FSTL4: variants seen among roughly 807,000 people sequenced by gnomAD.
FSTL4 encodes follistatin-related protein 4.
In FSTL4, 28 loss-of-function variants were observed where a neutral mutation model predicts 78.2. The observed-to-expected ratio is 0.36, with a 90% confidence interval of 0.27 to 0.49. The LOEUF (loss-of-function observed/expected upper bound fraction) is 0.49. Among genes scored for constraint, FSTL4 ranks in the 20% least tolerant of loss-of-function variants. The pLI, the probability that FSTL4 is intolerant of heterozygous loss-of-function variation, is 0.98. For synonymous variants in FSTL4, 422 were observed against 440.5 expected (o/e 0.96, Z 0.53); for missense variants, 922 against 1,084.9 (o/e 0.85, Z 2.11).
intron 3 of FSTL4, among the ~76,000 whole-genome samples, chr5:133,520,047 G>A (rs181543670): frequency 3.9e-5 from 6 of 152,348 alleles, no homozygotes; most frequent in African/African-American, 9.6e-5. Context: ...GCAATTGCAG[G>A]TGGGTTTCCG....
chr5:133,311,881 A>G (rs1753793680), intron 6 of FSTL4, among the ~76,000 whole-genome samples: 1 of 152,148 alleles, frequency 6.6e-6, no homozygotes, highest in South Asian at 2.1e-4. Flanking sequence ...TGGGCCAAGG[A>G]TGTCCCCTCT....
At chr5:133,753,456 G>A in the FSTL4 span, among the ~76,000 whole-genome samples, 2 of 152,132 alleles carry the variant, frequency 1.3e-5, no homozygotes, top group African/African-American at 2.4e-5. Flanking sequence ...CTAATCTCAG[G>A]TGGCTCACAT....
the FSTL4 span, among the ~76,000 whole-genome samples, chr5:133,678,941 G>A: frequency 1.3e-5 from 2 of 152,272 alleles, no homozygotes; most frequent in East Asian, 3.9e-4. Flanking sequence ...GCATCATCAC[G>A]TTGTTCCACA....
At chr5:133,729,561 T>C in the FSTL4 span, among the ~76,000 whole-genome samples, 2 of 152,132 alleles carry the variant, frequency 1.3e-5, no homozygotes, top group African/African-American at 4.8e-5. Flanking sequence ...CCATCTCATC[T>C]CTTCTCAAAA....
chr5:133,745,189 G>A, the FSTL4 span, among the ~76,000 whole-genome samples: 1 of 152,252 alleles, frequency 6.6e-6, no homozygotes, highest in Non-Finnish European at 1.5e-5. Flanking sequence ...GAGGGCACTT[G>A]CTCCTCAGCA....
intron 3 of FSTL4, among the ~76,000 whole-genome samples, chr5:133,526,022 T>C (rs548191944): frequency 6.6e-6 from 1 of 152,304 alleles, no homozygotes; most frequent in East Asian, 1.9e-4. Flanking sequence ...CTCAACTGTC[T>C]ACTGAGCACC....
chr5:133,806,229 C>G, the FSTL4 span, among the ~76,000 whole-genome samples: 1 of 151,556 alleles, frequency 6.6e-6, no homozygotes, highest in Non-Finnish European at 1.5e-5. Context: ...ACAACATTAT[C>G]TGTGTTTGGT....
chr5:133,289,254 A>C (rs1306606634), intron 6 of FSTL4, among the ~76,000 whole-genome samples: 1 of 152,198 alleles, frequency 6.6e-6, no homozygotes, highest in African/African-American at 2.4e-5. Context: ...TGAAGGAATT[A>C]TATTCTTGAA....
intron 4 of FSTL4, among the ~76,000 whole-genome samples, chr5:133,372,269 G>GTATGTATGTATC (rs143392836): frequency 0.29 from 41,434 of 141,266 alleles, 6,696 homozygotes; most frequent in Admixed American, 0.4. Context: ...ATGTATGTAT[G>GTATGTATGTATC]TATCTATCTA....
intron 3 of FSTL4, among the ~76,000 whole-genome samples, chr5:133,415,967 C>T (rs1024379534): frequency 1.3e-5 from 2 of 152,058 alleles, no homozygotes; most frequent in Non-Finnish European, 1.5e-5. Flanking sequence ...AGGTCCTTAC[C>T]CCGCTTTCAG....
chr5:133,217,094 A>G, intron 13 of FSTL4, 135 bp downstream of exon 13: 1 of 662,280 alleles, frequency 1.5e-6, no homozygotes, highest in Non-Finnish European at 2.6e-6. Flanking sequence ...TTCACGAATA[A>G]TTACACATGA....
At chr5:133,446,772 C>G (rs554876685) in intron 3 of FSTL4, among the ~76,000 whole-genome samples, 27 of 152,318 alleles carry the variant, frequency 1.8e-4, no homozygotes, top group Middle Eastern at 6.8e-3. Flanking sequence ...CACCGCTGCT[C>G]CCTCTTCTGA....
At chr5:133,320,626 T>C (rs2126896622) in intron 4 of FSTL4, among the ~76,000 whole-genome samples, 1 of 152,334 alleles carries the variant, frequency 6.6e-6, no homozygotes, top group South Asian at 2.1e-4. Context: ...GAGCCCATTA[T>C]TGAAATGAGC....
chr5:133,657,256 T>C, the FSTL4 span, among the ~76,000 whole-genome samples: 69 of 152,254 alleles, frequency 4.5e-4, no homozygotes, highest in Middle Eastern at 6.8e-3. Context: ...CGTGTGGCAT[T>C]GAGTGGCACA....
intron 4 of FSTL4, among the ~76,000 whole-genome samples, chr5:133,384,370 T>G (rs6887054): frequency 6.6e-6 from 1 of 151,704 alleles, no homozygotes; most frequent in Non-Finnish European, 1.5e-5. Context: ...GCTGACACTT[T>G]CCCAGGACTG....
At chr5:133,811,585 A>G in the FSTL4 span, among the ~76,000 whole-genome samples, 2 of 152,342 alleles carry the variant, frequency 1.3e-5, no homozygotes, top group East Asian at 3.9e-4. Flanking sequence ...AAAAACTGAC[A>G]GTTCATGCCT....
chr5:133,543,591 T>C (rs1759518698), intron 3 of FSTL4, among the ~76,000 whole-genome samples: 1 of 152,214 alleles, frequency 6.6e-6, no homozygotes, highest in African/African-American at 2.4e-5. Flanking sequence ...GTGTTTCACT[T>C]TATTATACCT....
At chr5:133,491,162 T>C (rs1300091902) in intron 3 of FSTL4, among the ~76,000 whole-genome samples, 13 of 152,202 alleles carry the variant, frequency 8.5e-5, no homozygotes, top group Admixed American at 3.3e-4. Context: ...CTTGACATCA[T>C]TTTATAAAAA....
At chr5:133,816,776 A>C in the FSTL4 span, among the ~76,000 whole-genome samples, 1 of 152,230 alleles carries the variant, frequency 6.6e-6, no homozygotes, top group African/African-American at 2.4e-5. Flanking sequence ...CACTGCCAGC[A>C]ACTCTTCAGA....
Sources: allele counts gnomAD v4.1 joint callset (sites outside exome capture counted in the v4.1 genomes callset), GRCh38; gene constraint gnomAD v4.1.1; transcripts MANE v1.5; gene names NCBI Gene and HGNC (gene_info 2026-07-23, HGNC 2026-07-21).